Variants in ROBO2 observed in about 807,000 individuals in gnomAD.
ROBO2 encodes roundabout homolog 2.
Under a neutral mutation model 160.8 loss-of-function variants are expected in ROBO2, and 53 were observed. The observed-to-expected ratio is 0.33, with a 90% CI of 0.26 to 0.41. The LOEUF (loss-of-function observed/expected upper bound fraction) is 0.41, where lower values mean the gene tolerates loss of function less well. Among genes scored for constraint, ROBO2 ranks in the 10% least tolerant of loss-of-function variants. The pLI is 1.00. For synonymous variants in ROBO2, 664 were observed against 611.7 expected (o/e 1.09, Z -1.26); for missense variants, 1,577 against 1,722.4 (o/e 0.92, Z 1.49).
At chr3:76,285,813 C>T (rs1023655747) in intron 2 of ROBO2, among the ~76,000 whole-genome samples, 8 of 152,216 alleles carry the variant, frequency 5.3e-5, no homozygotes, top group African/African-American at 1.9e-4. Context: ...ATATCTTAAG[C>T]AGCATCTTCT....
chr3:77,307,939 C>T (rs1378776650), intron 2 of ROBO2, among the ~76,000 whole-genome samples: 1 of 151,196 alleles, frequency 6.6e-6, no homozygotes, highest in Non-Finnish European at 1.5e-5. Flanking sequence ...GCCTGAGCAA[C>T]AGAATGAAAC....
intron 2 of ROBO2, among the ~76,000 whole-genome samples, chr3:76,996,126 G>A (rs537862246): frequency 0.031 from 4,646 of 152,184 alleles, 234 homozygotes; most frequent in African/African-American, 0.11. Flanking sequence ...ATTAATTTTT[G>A]TATAAGGTGT....
Position 77,252,807 on chromosome 3 carries a change from C to CAAAAAA in ROBO2, c.388+154487_388+154492dup, listed in dbSNP as rs1182786373. ...TGGGCAGCAGAGCAAGACTCCATCT[C>CAAAAAA]AAAAAAAAAAAAAAAAAAAAAAAAA... is the stretch of plus-strand genomic sequence containing the variant. On this transcript the variant is annotated intron_variant, in intron 2 of 25. Transcript: ENST00000461745. 2.8e-3 allele frequency among the ~76,000 whole-genome samples: 91 copies of CAAAAAA among 32,052 alleles called. 3 individuals carry two copies. The highest frequency in any genetic ancestry group is 0.012 in the African/African-American group (82 of 7,012). 21.0% of individuals were successfully genotyped at this position (32,052 alleles called of 152,430 possible).
chr3:76,689,124 A>G (rs1167337583), intron 2 of ROBO2, among the ~76,000 whole-genome samples: 2 of 152,126 alleles, frequency 1.3e-5, no homozygotes. Context: ...TCTTTCATTA[A>G]TAATTATACA....
intron 2 of ROBO2, among the ~76,000 whole-genome samples, chr3:77,107,005 A>G (rs2150143430): frequency 6.6e-6 from 1 of 152,338 alleles, no homozygotes. Context: ...AGCTACTACA[A>G]GAAAATACCA....
exon 23 of ROBO2, chr3:77,622,318 G>A (rs2094918935): frequency 1.9e-6 from 3 of 1,614,182 alleles, no homozygotes; most frequent in Non-Finnish European, 2.5e-6. Flanking sequence ...GGAAACGGAT[G>A]TTGCAGATGA....
chr3:77,301,053 G>C (rs1296522867), intron 2 of ROBO2, among the ~76,000 whole-genome samples: 1 of 150,238 alleles, frequency 6.7e-6, no homozygotes, highest in Non-Finnish European at 1.5e-5. Context: ...ATTTTTAGTA[G>C]AGACAGGGTT....
intron 2 of ROBO2, among the ~76,000 whole-genome samples, chr3:76,716,868 G>A (rs1371991636): frequency 6.6e-6 from 1 of 152,130 alleles, no homozygotes; most frequent in Non-Finnish European, 1.5e-5. Flanking sequence ...AAATCCTTTT[G>A]AAGAACTAAC....
intron 2 of ROBO2, among the ~76,000 whole-genome samples, chr3:77,348,148 GA>G (rs2067883919): frequency 6.6e-6 from 1 of 152,050 alleles, no homozygotes; most frequent in Non-Finnish European, 1.5e-5. Context: ...GAGCAAGAAC[GA>G]ATTCAGGGAG....
intron 2 of ROBO2, among the ~76,000 whole-genome samples, chr3:76,090,894 C>A (rs1356618981): frequency 6.6e-6 from 1 of 152,188 alleles, no homozygotes; most frequent in African/African-American, 2.4e-5. Flanking sequence ...TGTACACCCA[C>A]ATGCGAACAA....
intron 2 of ROBO2, among the ~76,000 whole-genome samples, chr3:77,024,432 G>A (rs1490679963): frequency 2.0e-5 from 3 of 152,156 alleles, no homozygotes; most frequent in African/African-American, 4.8e-5. Context: ...ACTGATGGAC[G>A]GAATCAGCAA....
chr3:76,733,726 G>A (rs559101461), intron 2 of ROBO2, among the ~76,000 whole-genome samples: 1 of 152,250 alleles, frequency 6.6e-6, no homozygotes, highest in East Asian at 1.9e-4. Context: ...TGTTTCATGT[G>A]GGAATTTTTT....
At chr3:77,079,244 G>A (rs1398842618) in intron 1 of ROBO2, among the ~76,000 whole-genome samples, 1 of 152,136 alleles carries the variant, frequency 6.6e-6, no homozygotes, top group African/African-American at 2.4e-5. Flanking sequence ...ACCGCACCCA[G>A]CTGCTATATT....
chr3:77,468,319 C>T (rs1016502329), intron 2 of ROBO2, among the ~76,000 whole-genome samples: 2 of 152,178 alleles, frequency 1.3e-5, no homozygotes, highest in African/African-American at 4.8e-5. Flanking sequence ...TTGCCAGAGA[C>T]AGGCCTAGAG....
At chr3:76,832,552 G>A (rs1024221442) in intron 2 of ROBO2, among the ~76,000 whole-genome samples, 33 of 152,172 alleles carry the variant, frequency 2.2e-4, no homozygotes, top group Non-Finnish European at 4.4e-5. Context: ...AACTTTCATT[G>A]TTGACCAGAG....
chr3:77,067,703 A>G (rs2067003538), intron 1 of ROBO2, among the ~76,000 whole-genome samples: 1 of 152,104 alleles, frequency 6.6e-6, no homozygotes, highest in Admixed American at 6.6e-5. Flanking sequence ...CTACTGATAT[A>G]TTGTCTTTAG....
chr3:76,368,536 T>C (rs1051309883), intron 2 of ROBO2, among the ~76,000 whole-genome samples: 3 of 151,920 alleles, frequency 2.0e-5, no homozygotes, highest in African/African-American at 7.2e-5. Context: ...GCTGGGACTG[T>C]TGACCACAGT....
intron 6 of ROBO2, among the ~76,000 whole-genome samples, chr3:77,539,212 C>T (rs2092339033): frequency 6.6e-6 from 1 of 152,126 alleles, no homozygotes; most frequent in South Asian, 2.1e-4. Context: ...GAGCCACCGC[C>T]CCCCGGCCTT....
intron 24 of ROBO2, chr3:77,642,761 C>T (rs1415300058): frequency 8.8e-6 from 4 of 456,546 alleles, no homozygotes; most frequent in South Asian, 4.6e-5. Flanking sequence ...GAAAACTCAG[C>T]AGAGAGAAAA....
Sources: gnomAD v4.1 joint callset for allele counts (sites outside exome capture counted in the v4.1 genomes callset) on GRCh38, gnomAD v4.1.1 for gene constraint, MANE v1.5 for transcripts, NCBI Gene and HGNC (gene_info 2026-07-23, HGNC 2026-07-21) for gene names.